The following WDR49 variants were observed in gnomAD, a reference collection of about 807,000 sequenced individuals.
The protein encoded by WDR49 is cilia- and flagella-associated protein 337.
In WDR49, 107 loss-of-function variants were observed where a neutral mutation model predicts 119.5. That is an observed-to-expected ratio of 0.90 (90% CI 0.77 to 1.05). The LOEUF is 1.05. WDR49 is among the 50% of genes least tolerant of loss of function. The pLI is 0.00. For missense variants in WDR49, 1,240 were observed against 1,220.5 expected, an observed-to-expected ratio of 1.02 and a Z score of -0.24; for synonymous variants, 425 against 418.8, an observed-to-expected ratio of 1.01 and a Z score of -0.18.
intron 18 of WDR49, among the ~76,000 whole-genome samples, chr3:167,496,679 T>C (rs1042204864): frequency 1.3e-5 from 2 of 152,192 alleles, no homozygotes; most frequent in Non-Finnish European, 2.9e-5. Context: ...GGTATCTACA[T>C]ATTATCTCTG....
chr3:167,505,423 G>C lies in WDR49; in HGVS notation c.2775-7C>G. ...ATCTTCTGATGGTCTGACACTGGAAGAAAATATTTCATGATGAAATACATT... is the reference window on the plus strand; with the variant it reads ...ATCTTCTGATGGTCTGACACTGGAACAAAATATTTCATGATGAAATACATT... On this transcript the variant is annotated splice_polypyrimidine_tract_variant and splice_region_variant and intron_variant, in intron 16 of 18. Transcript: ENST00000682715. 1 of 1,511,070 alleles carries C rather than the reference G, an allele frequency of 6.6e-7. No homozygotes were observed. The highest frequency in any genetic ancestry group is 2.5e-5 in the East Asian group (1 of 40,024). 93.6% of individuals were successfully genotyped at this position (1,511,070 alleles called of 1,614,324 possible). A position where few individuals can be genotyped will look rare whatever the true frequency, so the allele number is the denominator to read the frequency against.
chr3:167,500,141 C>T lies in WDR49; in HGVS notation c.3031+12G>A. On this transcript the variant is annotated intron_variant, in intron 18 of 18. Transcript: ENST00000682715. ...GAGGGATAATAGAGGTGTATGATGGCTGAGAACTTACTTTTAAAAAGTGAC... is the reference window on the plus strand; with the variant it reads ...GAGGGATAATAGAGGTGTATGATGGTTGAGAACTTACTTTTAAAAAGTGAC... 1 of 1,554,052 alleles carries T rather than the reference C, an allele frequency of 6.4e-7. No homozygotes were observed. Among genetic ancestry groups the T allele is most frequent in the Non-Finnish European group, 8.6e-7 (1 of 1,160,554 alleles).
At chr3:167,635,227 T>C (rs1388916830) in intron 2 of WDR49, among the ~76,000 whole-genome samples, 1 of 151,806 alleles carries the variant, frequency 6.6e-6, no homozygotes, top group East Asian at 1.9e-4. Context: ...AATTTACATG[T>C]CCTGAAAATT....
intron 7 of WDR49, among the ~76,000 whole-genome samples, chr3:167,592,295 T>C (rs1362495588): frequency 9.2e-5 from 14 of 152,154 alleles, no homozygotes; most frequent in Admixed American, 9.2e-4. Flanking sequence ...GTAGTTATTT[T>C]TGATTAGTTC....
At chr3:167,590,675 C>A (rs559817533) in intron 7 of WDR49, among the ~76,000 whole-genome samples, 5 of 152,066 alleles carry the variant, frequency 3.3e-5, no homozygotes, top group Admixed American at 1.3e-4. Flanking sequence ...CCAGATTTGT[C>A]AAGTTATTAA....
At chr3:167,532,188 T>C (rs1328219236) in intron 12 of WDR49, among the ~76,000 whole-genome samples, 1 of 152,158 alleles carries the variant, frequency 6.6e-6, no homozygotes, top group Admixed American at 6.6e-5. Context: ...AGTCCATTCC[T>C]AAAGTTCAAT....
chr3:167,583,409 T>A (rs1336630925), intron 7 of WDR49, among the ~76,000 whole-genome samples: 2 of 151,910 alleles, frequency 1.3e-5, no homozygotes, highest in Non-Finnish European at 2.9e-5. Flanking sequence ...TAAAACATAA[T>A]TTTTGGCTAG....
At chr3:167,640,974 C>T (rs978411275) in intron 2 of WDR49, among the ~76,000 whole-genome samples, 9 of 151,976 alleles carry the variant, frequency 5.9e-5, no homozygotes, top group South Asian at 4.2e-4. Flanking sequence ...CAAAAACCTT[C>T]GGTTGCATCT....
chr3:167,637,248 G>T (rs182152701), intron 2 of WDR49, among the ~76,000 whole-genome samples: 1 of 151,750 alleles, frequency 6.6e-6, no homozygotes, highest in Non-Finnish European at 1.5e-5. Flanking sequence ...GTTGAATAGG[G>T]TGTTCTTTCC....
At chr3:167,485,585 A>G (rs1012991723) in intron 18 of WDR49, among the ~76,000 whole-genome samples, 2 of 152,002 alleles carry the variant, frequency 1.3e-5, no homozygotes, top group African/African-American at 4.8e-5. Flanking sequence ...AACTTCTAGA[A>G]CTTAAAAATT....
chr3:167,593,662 A>T lies in WDR49; in HGVS notation c.1275+8465T>A, dbSNP rs538803679. On this transcript the variant is annotated intron_variant, in intron 7 of 18. Coordinates refer to ENST00000682715, the MANE Select transcript of WDR49 (RefSeq NM_001366157.1). ...TGTTTTCCTGGATGGTGTTGGTGTT[A>T]GTAGCTGTTCTTTGGTGTCTGGGCA... Among the ~76,000 whole-genome samples the T allele has an allele frequency of 9.2e-5, 14 of 152,160 alleles. No homozygotes were observed. In the South Asian group the frequency reaches 1.2e-3, roughly 14 times the overall value.
At chr3:167,509,252 A>C (rs1751879175) in intron 16 of WDR49, among the ~76,000 whole-genome samples, 1 of 152,186 alleles carries the variant, frequency 6.6e-6, no homozygotes, top group Admixed American at 6.5e-5. Context: ...GAAGATCAGT[A>C]AGTGAGAGTT....
At chr3:167,489,382 A>G (rs1330244091) in intron 18 of WDR49, among the ~76,000 whole-genome samples, 1 of 152,126 alleles carries the variant, frequency 6.6e-6, no homozygotes, top group Non-Finnish European at 1.5e-5. Flanking sequence ...TCCATGTCAC[A>G]TATATACATA....
intron 16 of WDR49, among the ~76,000 whole-genome samples, chr3:167,507,166 TG>T (rs752807674): frequency 2.0e-5 from 3 of 152,004 alleles, no homozygotes; most frequent in Non-Finnish European, 2.9e-5. Flanking sequence ...TAAGAGGGGA[TG>T]GGGGGGTAGT....
chr3:167,525,416 T>A (rs906446535), intron 15 of WDR49, among the ~76,000 whole-genome samples: 2 of 152,130 alleles, frequency 1.3e-5, no homozygotes, highest in Admixed American at 6.6e-5. Flanking sequence ...CTTGCCTGAT[T>A]GCTCTTTTTT....
At chr3:167,518,152 G>C (rs1317024258) in intron 16 of WDR49, among the ~76,000 whole-genome samples, 28 of 151,750 alleles carry the variant, frequency 1.8e-4, no homozygotes, top group African/African-American at 5.8e-4. Flanking sequence ...ATTTGGGTTG[G>C]TTCCAAGTCT....
intron 16 of WDR49, among the ~76,000 whole-genome samples, chr3:167,516,877 A>G (rs1484576740): frequency 6.6e-6 from 1 of 152,322 alleles, no homozygotes; most frequent in East Asian, 1.9e-4. Context: ...CAAGAAAAAA[A>G]CAAACAACCC....
At chr3:167,558,312 C>T (rs1188937780) in intron 9 of WDR49, among the ~76,000 whole-genome samples, 1 of 152,026 alleles carries the variant, frequency 6.6e-6, no homozygotes, top group African/African-American at 2.4e-5. Context: ...CCGTTCAAAG[C>T]CATAATGAAT....
intron 8 of WDR49, among the ~76,000 whole-genome samples, chr3:167,569,236 C>T (rs1177317840): frequency 2.0e-5 from 3 of 152,148 alleles, no homozygotes; most frequent in Non-Finnish European, 4.4e-5. Context: ...GCCACTGCAC[C>T]CAGCCTGTAT....
Sources: gnomAD v4.1 joint callset for allele counts (sites outside exome capture counted in the v4.1 genomes callset) on GRCh38, gnomAD v4.1.1 for gene constraint, MANE v1.5 for transcripts, NCBI Gene and HGNC (gene_info 2026-07-23, HGNC 2026-07-21) for gene names.